PRKD1: variants seen among roughly 807,000 people sequenced by gnomAD.
PRKD1 encodes the protein serine/threonine-protein kinase D1.
PRKD1 carries 63 observed loss-of-function variants against 95.9 expected under a neutral mutation model. That is an observed-to-expected ratio of 0.66 (90% CI 0.54 to 0.81). The LOEUF (loss-of-function observed/expected upper bound fraction) is 0.81, where lower values mean the gene tolerates loss of function less well. Among genes scored for constraint, PRKD1 ranks in the 30% least tolerant of loss-of-function variants. PRKD1 has a pLI of 0.00. For missense variants in PRKD1, 1,048 were observed against 1,165.3 expected (o/e 0.90, Z 1.47); for synonymous variants, 425 against 423.1 (o/e 1.00, Z -0.05).
At chr14:29,621,922 C>A (rs1045589102) in intron 13 of PRKD1, among the ~76,000 whole-genome samples, 90 of 152,288 alleles carry the variant, frequency 5.9e-4, no homozygotes, top group African/African-American at 2.1e-3. Flanking sequence ...GGACTTTCAA[C>A]CTAACCAAAC....
intron 1 of PRKD1, among the ~76,000 whole-genome samples, chr14:29,729,645 T>C (rs941158584): frequency 6.6e-6 from 1 of 152,018 alleles, no homozygotes; most frequent in Non-Finnish European, 1.5e-5. Flanking sequence ...TATACTTAGT[T>C]TCATGGATTT....
chr14:29,784,334 C>T (rs895914935), intron 1 of PRKD1, among the ~76,000 whole-genome samples: 1 of 152,052 alleles, frequency 6.6e-6, no homozygotes, highest in Non-Finnish European at 1.5e-5. Context: ...GTGATGCCTC[C>T]AGCTTTGTTC....
At chr14:29,868,102 C>A (rs531576553) in intron 1 of PRKD1, among the ~76,000 whole-genome samples, 1 of 152,226 alleles carries the variant, frequency 6.6e-6, no homozygotes, top group African/African-American at 2.4e-5. Context: ...ACTTCAATAA[C>A]AGTCTTTTGT....
intron 10 of PRKD1, chr14:29,630,494 A>G (rs577714643): frequency 9.2e-5 from 46 of 499,904 alleles, no homozygotes; most frequent in African/African-American, 7.1e-4. Flanking sequence ...TGCCTAATAC[A>G]TAGTGTTTAC....
At chr14:29,714,640 T>C (rs1885508303) in intron 2 of PRKD1, among the ~76,000 whole-genome samples, 1 of 152,166 alleles carries the variant, frequency 6.6e-6, no homozygotes, top group Non-Finnish European at 1.5e-5. Context: ...ATCATTCTAC[T>C]ATAAAGACAC....
intron 1 of PRKD1, among the ~76,000 whole-genome samples, chr14:29,746,538 A>G (rs1344230620): frequency 3.9e-5 from 6 of 151,904 alleles, no homozygotes; most frequent in Admixed American, 3.9e-4. Flanking sequence ...ATATACACAC[A>G]CACACACACA....
chr14:29,837,478 A>G (rs1246947934), intron 1 of PRKD1, among the ~76,000 whole-genome samples: 1 of 152,200 alleles, frequency 6.6e-6, no homozygotes, highest in Non-Finnish European at 1.5e-5. Context: ...CTATAAAAGT[A>G]AAGAGGTAAT....
intron 1 of PRKD1, among the ~76,000 whole-genome samples, chr14:29,746,529 T>TACACAC (rs139747043): frequency 0.14 from 21,062 of 146,214 alleles, 1,597 homozygotes; most frequent in South Asian, 0.21. Context: ...TGTGTACATA[T>TACACAC]ATACACACAC....
intron 1 of PRKD1, among the ~76,000 whole-genome samples, chr14:29,737,695 T>C (rs1566571283): frequency 6.6e-6 from 1 of 152,216 alleles, no homozygotes. Flanking sequence ...AATTGAGTGA[T>C]AATGTCTCTT....
intron 11 of PRKD1, among the ~76,000 whole-genome samples, chr14:29,626,916 T>C (rs1163021822): frequency 6.6e-6 from 1 of 152,092 alleles, no homozygotes; most frequent in Non-Finnish European, 1.5e-5. Flanking sequence ...GGTTTCACCA[T>C]GTTGGTCAGG....
At chr14:29,917,117 A>G (rs920638102) in intron 1 of PRKD1, among the ~76,000 whole-genome samples, 4 of 152,164 alleles carry the variant, frequency 2.6e-5, no homozygotes, top group Non-Finnish European at 5.9e-5. Flanking sequence ...ACATTTGACT[A>G]TTGATAAATG....
At chr14:29,803,459 C>A (rs753894181) in intron 1 of PRKD1, among the ~76,000 whole-genome samples, 12 of 152,132 alleles carry the variant, frequency 7.9e-5, no homozygotes, top group Non-Finnish European at 1.5e-4. Flanking sequence ...AATTGTAACT[C>A]TATATTAGCA....
chr14:29,870,867 A>C (rs1196798873), intron 1 of PRKD1, among the ~76,000 whole-genome samples: 8 of 152,178 alleles, frequency 5.3e-5, no homozygotes, highest in African/African-American at 1.9e-4. Flanking sequence ...ATTACATACA[A>C]CTTAGAATTG....
At position 29,927,417 on chromosome 14, in the gene PRKD1, C is replaced by T. The variant is rs745933454; in HGVS notation, c.96G>A (p.Gly32=). 7.0e-5 allele frequency: 103 copies of T among 1,465,218 alleles called. 1 individual carries two copies. In the East Asian group the frequency reaches 2.7e-3, roughly 39 times the overall value. 90.8% of individuals were successfully genotyped at this position (1,465,218 alleles called of 1,614,324 possible). Residue 32 remains glycine, a synonymous_variant, in exon 1 of 18, where the codon GGG becomes GGA. Transcript: ENST00000331968. ...GAGCCAAGAACGGCGCGGGCCCGGG[C>T]CCGGACCCTGGGACCAGTGCGGCGG... ...AAAAALVPGS[G]PGPAPFLAPV...
At chr14:29,606,847 G>T (rs1290305875) in intron 13 of PRKD1, among the ~76,000 whole-genome samples, 10 of 152,130 alleles carry the variant, frequency 6.6e-5, no homozygotes, top group Non-Finnish European at 1.5e-4. Flanking sequence ...CCCAGAACAG[G>T]TTTGACTACA....
chr14:29,667,180 A>C (rs1882569713), intron 2 of PRKD1, among the ~76,000 whole-genome samples: 1 of 152,134 alleles, frequency 6.6e-6, no homozygotes, highest in Non-Finnish European at 1.5e-5. Flanking sequence ...AGCACCTGGC[A>C]GGCAGAAGAC....
chr14:29,715,084 T>C (rs901030086), intron 2 of PRKD1, among the ~76,000 whole-genome samples: 2 of 152,042 alleles, frequency 1.3e-5, no homozygotes, highest in Non-Finnish European at 2.9e-5. Flanking sequence ...GTTCTGCACA[T>C]GTACCCCAGA....
At chr14:29,776,782 A>T (rs1445357170) in intron 1 of PRKD1, among the ~76,000 whole-genome samples, 2 of 152,216 alleles carry the variant, frequency 1.3e-5, no homozygotes, top group Non-Finnish European at 2.9e-5. Context: ...CAAATTCAGG[A>T]AACACAGAGA....
At chr14:29,826,007 C>A (rs1282127189) in intron 1 of PRKD1, among the ~76,000 whole-genome samples, 1 of 151,650 alleles carries the variant, frequency 6.6e-6, no homozygotes, top group East Asian at 1.9e-4. Context: ...AAAAAAGATA[C>A]TGGTACATGC....
Sources: gnomAD v4.1 joint callset for allele counts (sites outside exome capture counted in the v4.1 genomes callset) on GRCh38, gnomAD v4.1.1 for gene constraint, MANE v1.5 for transcripts, NCBI Gene and HGNC (gene_info 2026-07-23, HGNC 2026-07-21) for gene names.